SNTG1: variants seen among roughly 807,000 people sequenced by gnomAD.
The protein encoded by SNTG1 is gamma-1-syntrophin.
A neutral mutation model predicts 74.7 loss-of-function variants in SNTG1; 39 were observed. The observed-to-expected ratio is 0.52, with a 90% CI of 0.40 to 0.68. The LOEUF (loss-of-function observed/expected upper bound fraction) is 0.68, where lower values mean the gene tolerates loss of function less well. SNTG1 is among the 30% of genes least tolerant of loss of function. SNTG1 has a pLI of 0.00. For synonymous variants in SNTG1, 254 were observed against 217.1 expected (o/e 1.17, Z -1.49); for missense variants, 685 against 609.5 (o/e 1.12, Z -1.30).
In SNTG1 at chr8:50,581,612, T is replaced by C. The variant is rs552458815; in HGVS notation, c.811-9267T>C. Among the ~76,000 whole-genome samples, 3 of 152,318 alleles carry C rather than the reference T, an allele frequency of 2.0e-5. No individual in the cohort carries two copies. In the East Asian group the frequency reaches 5.8e-4, roughly 29 times the overall value. ...TTGTCAATCTAAAAAAAATTAGAGA[T>C]TAGTATCTCCAAATATGTTGCATTT... On this transcript the variant is annotated intron_variant, in intron 12 of 18. Transcript: ENST00000642720.
chr8:50,399,394 G>T (rs185377099), intron 3 of SNTG1, among the ~76,000 whole-genome samples: 1 of 152,062 alleles, frequency 6.6e-6, no homozygotes, highest in Admixed American at 6.5e-5. Flanking sequence ...GATAGCTTTG[G>T]CCATATAGAA....
chr8:50,173,892 A>T (rs1227159481), intron 2 of SNTG1, among the ~76,000 whole-genome samples: 1 of 152,230 alleles, frequency 6.6e-6, no homozygotes, highest in Non-Finnish European at 1.5e-5. Context: ...ACATAGGTAT[A>T]CATGTGCCAT....
At chr8:50,414,388 T>C (rs556346653) in intron 4 of SNTG1, among the ~76,000 whole-genome samples, 18 of 152,274 alleles carry the variant, frequency 1.2e-4, no homozygotes, top group African/African-American at 4.3e-4. Flanking sequence ...GATTGGCAAG[T>C]TTCTTTACTA....
chr8:50,171,322 G>A (rs2082799488), intron 1 of SNTG1, among the ~76,000 whole-genome samples: 1 of 152,142 alleles, frequency 6.6e-6, no homozygotes. Context: ...GTCAACTGAG[G>A]AGCAAAGAAA....
chr8:50,267,137 T>G (rs1450733973), intron 2 of SNTG1, among the ~76,000 whole-genome samples: 1 of 152,188 alleles, frequency 6.6e-6, no homozygotes, highest in Non-Finnish European at 1.5e-5. Flanking sequence ...TAAATTTTCT[T>G]TCAGATGTTT....
Position 50,274,879 on chromosome 8 carries a change from G to A in SNTG1, c.-28+102244G>A, listed in dbSNP as rs183219229. ...TAATTGATTTTCTAGTGTTGAACTAGCGTCAAATATGTGGGATAAATTCCA... is the reference window on the plus strand; with the variant it reads ...TAATTGATTTTCTAGTGTTGAACTAACGTCAAATATGTGGGATAAATTCCA... On this transcript the variant is annotated intron_variant, in intron 2 of 18. Coordinates refer to ENST00000642720, the MANE Select transcript of SNTG1 (RefSeq NM_018967.5). Among the ~76,000 whole-genome samples the A allele has an allele frequency of 2.0e-3, 309 of 152,272 alleles. 1 individual carries two copies. Among genetic ancestry groups the A allele is most frequent in the African/African-American group, 7.0e-3 (290 of 41,566 alleles).
intron 15 of SNTG1, among the ~76,000 whole-genome samples, chr8:50,687,662 C>T (rs1426592755): frequency 1.3e-5 from 2 of 152,184 alleles, no homozygotes; most frequent in Non-Finnish European, 2.9e-5. Flanking sequence ...TGTTGGTGTG[C>T]TGCACCCGTT....
At chr8:50,528,163 C>T (rs2094237636) in intron 9 of SNTG1, among the ~76,000 whole-genome samples, 1 of 151,852 alleles carries the variant, frequency 6.6e-6, no homozygotes, top group Non-Finnish European at 1.5e-5. Flanking sequence ...GCTAAGACTT[C>T]CATTTTTATT....
intron 9 of SNTG1, among the ~76,000 whole-genome samples, chr8:50,506,690 G>C (rs2094009637): frequency 6.6e-6 from 1 of 151,900 alleles, no homozygotes; most frequent in East Asian, 1.9e-4. Flanking sequence ...TTGTTTATTA[G>C]ATCTAACATT....
At chr8:50,571,698 A>C (rs187788029) in intron 12 of SNTG1, among the ~76,000 whole-genome samples, 1 of 152,340 alleles carries the variant, frequency 6.6e-6, no homozygotes, top group East Asian at 1.9e-4. Flanking sequence ...AAGCAGGACT[A>C]AGGAAACAAC....
At chr8:50,705,554 C>T (rs1563766370) in intron 16 of SNTG1, among the ~76,000 whole-genome samples, 1 of 151,680 alleles carries the variant, frequency 6.6e-6, no homozygotes, top group Non-Finnish European at 1.5e-5. Context: ...TAAGATTCTT[C>T]TATTTATTTG....
At chr8:50,777,015 G>T (rs1382628363) in intron 18 of SNTG1, among the ~76,000 whole-genome samples, 2 of 151,650 alleles carry the variant, frequency 1.3e-5, no homozygotes, top group African/African-American at 4.8e-5. Context: ...AAGACTTTTT[G>T]CTGTCAAGTT....
chr8:50,737,450 A>G (rs909151796), intron 17 of SNTG1, among the ~76,000 whole-genome samples: 1 of 152,160 alleles, frequency 6.6e-6, no homozygotes, highest in Non-Finnish European at 1.5e-5. Context: ...ACAGGACTAG[A>G]TGGATTCACA....
At chr8:50,466,256 T>C (rs2093607760) in intron 8 of SNTG1, among the ~76,000 whole-genome samples, 1 of 152,108 alleles carries the variant, frequency 6.6e-6, no homozygotes, top group Non-Finnish European at 1.5e-5. Context: ...TTAATTTTTA[T>C]TTTTTGCATA....
chr8:50,382,359 C>G (rs1248333428), intron 2 of SNTG1: 1 of 151,998 alleles, frequency 6.6e-6, no homozygotes, highest in Non-Finnish European at 1.5e-5. Context: ...TATTAAATGG[C>G]TGGCACTTGT....
intron 18 of SNTG1, among the ~76,000 whole-genome samples, chr8:50,791,712 G>C (rs1385695510): frequency 2.0e-5 from 3 of 151,666 alleles, no homozygotes; most frequent in Non-Finnish European, 4.4e-5. Context: ...CAATGAGTTT[G>C]TCAGAAATTT....
At chr8:50,674,498 T>A (rs1273401191) in intron 15 of SNTG1, among the ~76,000 whole-genome samples, 2 of 152,184 alleles carry the variant, frequency 1.3e-5, no homozygotes, top group Non-Finnish European at 2.9e-5. Flanking sequence ...TAGTTTGTAT[T>A]TCTCTGGGGT....
chr8:50,641,261 A>G (rs1216758402), intron 13 of SNTG1, among the ~76,000 whole-genome samples: 1 of 152,128 alleles, frequency 6.6e-6, no homozygotes, highest in African/African-American at 2.4e-5. Flanking sequence ...CTGTCACCTT[A>G]AGCCTCCAAT....
chr8:50,473,103 A>T (rs923031411), intron 8 of SNTG1, among the ~76,000 whole-genome samples: 1 of 152,136 alleles, frequency 6.6e-6, no homozygotes, highest in Non-Finnish European at 1.5e-5. Context: ...TGCAATCCCC[A>T]CGTTCCCCAA....
Sources: allele counts gnomAD v4.1 joint callset (sites outside exome capture counted in the v4.1 genomes callset), GRCh38; gene constraint gnomAD v4.1.1; transcripts MANE v1.5; gene names NCBI Gene and HGNC (gene_info 2026-07-23, HGNC 2026-07-21).